ARNT2: variants seen among roughly 807,000 people sequenced by gnomAD.
The protein encoded by ARNT2 is aryl hydrocarbon receptor nuclear translocator 2.
In ARNT2, 36 loss-of-function variants were observed where a neutral mutation model predicts 91.7. The observed-to-expected ratio is 0.39, with a 90% CI of 0.30 to 0.52. The LOEUF (loss-of-function observed/expected upper bound fraction) is 0.52. Among genes scored for constraint, ARNT2 ranks in the 20% least tolerant of loss-of-function variants. ARNT2 has a pLI of 0.72. For synonymous variants in ARNT2, 365 were observed against 347.1 expected (o/e 1.05, Z -0.57); for missense variants, 775 against 939.3 (o/e 0.83, Z 2.29).
At chr15:80,525,903 A>C (rs1483782602) in intron 8 of ARNT2, among the ~76,000 whole-genome samples, 1 of 152,240 alleles carries the variant, frequency 6.6e-6, no homozygotes, top group Admixed American at 6.5e-5. Context: ...GTTAGGAAGT[A>C]TGAAGATTCT....
At chr15:80,473,261 C>T (rs1033278693) in intron 4 of ARNT2, among the ~76,000 whole-genome samples, 1 of 152,080 alleles carries the variant, frequency 6.6e-6, no homozygotes, top group Non-Finnish European at 1.5e-5. Flanking sequence ...GAGGCTGGTT[C>T]TGGATCAGGG....
At chr15:80,460,625 C>T (rs1351005497) in intron 3 of ARNT2, among the ~76,000 whole-genome samples, 3 of 152,194 alleles carry the variant, frequency 2.0e-5, no homozygotes, top group African/African-American at 4.8e-5. Context: ...TGCCTACATT[C>T]GAAGTTTCCT....
At chr15:80,551,426 C>A in intron 9 of ARNT2, 151 bp downstream of exon 9, 1 of 697,318 alleles carries the variant, frequency 1.4e-6, no homozygotes, top group Non-Finnish European at 2.4e-6. Context: ...AGGCTGAGGC[C>A]AAATCTAGAA....
chr15:80,498,643 G>A (rs1053521465), intron 5 of ARNT2, among the ~76,000 whole-genome samples: 14 of 152,230 alleles, frequency 9.2e-5, no homozygotes, highest in African/African-American at 2.9e-4. Flanking sequence ...AGGAATGGCT[G>A]AGAGAGGCTG....
intron 17 of ARNT2, among the ~76,000 whole-genome samples, chr15:80,582,137 T>G (rs565068499): frequency 9.8e-5 from 15 of 152,310 alleles, no homozygotes; most frequent in Admixed American, 5.2e-4. Flanking sequence ...CCCAAACATC[T>G]GAATTTCCAC....
chr15:80,405,585 G>A (rs1358657453), intron 1 of ARNT2, among the ~76,000 whole-genome samples: 2 of 152,200 alleles, frequency 1.3e-5, no homozygotes, highest in Non-Finnish European at 2.9e-5. Context: ...GGCGGCCAGG[G>A]AAGGCTTCTG....
chr15:80,574,393 C>A (rs1596021281), intron 13 of ARNT2, among the ~76,000 whole-genome samples, 173 bp downstream of exon 13: 1 of 152,226 alleles, frequency 6.6e-6, no homozygotes, highest in East Asian at 1.9e-4. Context: ...GTCACTCCTC[C>A]CTATAGAACT....
In ARNT2 at chr15:80,483,170, A is replaced by T. The variant is rs145330822; in HGVS notation, c.622+7947A>T. ...ATGAAGTGCAGGGAGCTTCTTAGAG[A>T]TGCAGAATTGCAGCTCCCATCCCAG... On this transcript the variant is annotated intron_variant, in intron 5 of 18. Transcript: ENST00000303329. 6.7e-3 allele frequency among the ~76,000 whole-genome samples: 1,013 copies of T among 152,318 alleles called. 8 individuals carry two copies. The highest frequency in any genetic ancestry group is 0.023 in the African/African-American group (954 of 41,568).
chr15:80,456,556 G>A (rs1896484717), intron 2 of ARNT2, among the ~76,000 whole-genome samples: 1 of 152,124 alleles, frequency 6.6e-6, no homozygotes, highest in Admixed American at 6.5e-5. Context: ...ATACTTCTTT[G>A]CCTTACCTAA....
rs1458737980 is a variant in ARNT2, at chr15:80,594,396, TC to T, written c.*702del. ...TAGAGAGCCAAAATGTGTGGCCCTGTCCCCAAGCTCAGCACCACCGGCCATG... is the reference window on the plus strand; with the variant it reads ...TAGAGAGCCAAAATGTGTGGCCCTGTCCCAAGCTCAGCACCACCGGCCATG... On this transcript the variant is annotated 3_prime_UTR_variant, in exon 19 of 19. Transcript: ENST00000303329. 4 of 152,288 alleles carry T rather than the reference TC, an allele frequency of 2.6e-5. No homozygotes were observed. Among genetic ancestry groups the T allele is most frequent in the Non-Finnish European group, 5.9e-5 (4 of 68,102 alleles). 9.4% of individuals were successfully genotyped at this position (152,288 alleles called of 1,614,324 possible). A position where few individuals can be genotyped will look rare whatever the true frequency, so the allele number is the denominator to read the frequency against.
At chr15:80,500,405 A>G (rs1003779942) in intron 5 of ARNT2, among the ~76,000 whole-genome samples, 2 of 152,054 alleles carry the variant, frequency 1.3e-5, no homozygotes, top group African/African-American at 4.8e-5. Flanking sequence ...TTGCCATCTC[A>G]CTGTTCCTCC....
At chr15:80,579,490 A>G (rs1898752186) in intron 15 of ARNT2, among the ~76,000 whole-genome samples, 1 of 152,060 alleles carries the variant, frequency 6.6e-6, no homozygotes. Context: ...ATCTCTGCTG[A>G]TCTCTGGCTT....
chr15:80,593,935 AT>A lies in ARNT2; in HGVS notation c.*241del, dbSNP rs1424572739. The A allele has an allele frequency of 5.7e-6, 3 of 527,476 alleles. No individual in the cohort carries two copies. The highest frequency in any genetic ancestry group is 1.0e-5 in the Non-Finnish European group (3 of 295,606). 32.7% of individuals were successfully genotyped at this position (527,476 alleles called of 1,614,324 possible). ...TTAGGGGATCAGTTGTATTTATTGT[AT>A]TTTATCTGTGTGTGCTCAGGAGGTG... is the stretch of plus-strand genomic sequence containing the variant. On this transcript the variant is annotated 3_prime_UTR_variant, in exon 19 of 19. Coordinates refer to ENST00000303329, the MANE Select transcript of ARNT2 (RefSeq NM_014862.4).
chr15:80,435,253 G>A (rs1183436265), intron 1 of ARNT2, among the ~76,000 whole-genome samples: 1 of 152,190 alleles, frequency 6.6e-6, no homozygotes, highest in Non-Finnish European at 1.5e-5. Context: ...CTCTGCCCGA[G>A]GTTCTCTTTC....
At chr15:80,409,240 C>A (rs1175159357) in intron 1 of ARNT2, among the ~76,000 whole-genome samples, 1 of 152,202 alleles carries the variant, frequency 6.6e-6, no homozygotes, top group African/African-American at 2.4e-5. Flanking sequence ...TTCATTCCTC[C>A]CACTTCCGAA....
At chr15:80,409,629 T>G (rs986364910) in intron 1 of ARNT2, among the ~76,000 whole-genome samples, 1 of 152,220 alleles carries the variant, frequency 6.6e-6, no homozygotes, top group Non-Finnish European at 1.5e-5. Flanking sequence ...ACTCCTACCA[T>G]CATGCTGCTT....
chr15:80,438,337 A>G (rs1284922013), intron 1 of ARNT2, among the ~76,000 whole-genome samples: 1 of 152,216 alleles, frequency 6.6e-6, no homozygotes, highest in Non-Finnish European at 1.5e-5. Context: ...GTGATGATTT[A>G]CTACAGATGT....
In ARNT2 at chr15:80,412,464, C is replaced by T. The variant is rs192358501; in HGVS notation, c.31+7918C>T. On this transcript the variant is annotated intron_variant, in intron 1 of 18. Coordinates refer to ENST00000303329, the MANE Select transcript of ARNT2 (RefSeq NM_014862.4). ...CTGCCACCCATAACTAACATTTTTG[C>T]GTATATCCTTACAGACTTTTTTCTA... Among the ~76,000 whole-genome samples, 12 of 151,468 alleles carry T rather than the reference C, an allele frequency of 7.9e-5. No individual in the cohort carries two copies. In the East Asian group the frequency reaches 2.3e-3, roughly 30 times the overall value.
chr15:80,513,234 G>A (rs992345667), intron 6 of ARNT2, among the ~76,000 whole-genome samples: 1 of 152,182 alleles, frequency 6.6e-6, no homozygotes, highest in Non-Finnish European at 1.5e-5. Flanking sequence ...ATGCTGAGAG[G>A]ATCATTGTAA....
Sources: allele counts gnomAD v4.1 joint callset (sites outside exome capture counted in the v4.1 genomes callset), GRCh38; gene constraint gnomAD v4.1.1; transcripts MANE v1.5; gene names NCBI Gene and HGNC (gene_info 2026-07-23, HGNC 2026-07-21).